RHEB: variants seen among roughly 807,000 people sequenced by gnomAD.
RHEB encodes GTP-binding protein Rheb.
Under a neutral mutation model 28.8 loss-of-function variants are expected in RHEB, and 2 were observed. The ratio of observed to expected loss-of-function variants is 0.07; its 90% CI spans 0.03 to 0.22. The LOEUF (loss-of-function observed/expected upper bound fraction) is 0.22. Among genes scored for constraint, RHEB ranks in the 10% least tolerant of loss-of-function variants. The pLI is 1.00. For synonymous variants in RHEB, 69 were observed against 77.3 expected, an observed-to-expected ratio of 0.89 and a Z score of 0.56; for missense variants, 76 against 219.9, an observed-to-expected ratio of 0.35 and a Z score of 4.14.
intron 1 of RHEB, among the ~76,000 whole-genome samples, chr7:151,516,623 A>C (rs931371898): frequency 2.2e-4 from 5 of 23,216 alleles, no homozygotes; most frequent in Admixed American, 1.1e-3. Flanking sequence ...ACTCTGTCAC[A>C]AAAAAAAAAA....
At chr7:151,516,358 C>T (rs759740306) in intron 1 of RHEB, among the ~76,000 whole-genome samples, 4 of 152,036 alleles carry the variant, frequency 2.6e-5, no homozygotes, top group Non-Finnish European at 4.4e-5. Context: ...GGTGCAGTGA[C>T]TCATGCCTGT....
intron 3 of RHEB, among the ~76,000 whole-genome samples, chr7:151,481,535 G>A (rs1802382002): frequency 6.6e-6 from 1 of 152,236 alleles, no homozygotes; most frequent in Admixed American, 6.5e-5. Flanking sequence ...AGCAGCTCTT[G>A]GAGCAGTAAA....
intron 3 of RHEB, among the ~76,000 whole-genome samples, chr7:151,479,526 CA>C (rs1287537284): frequency 1.3e-5 from 2 of 151,646 alleles, no homozygotes; most frequent in Non-Finnish European, 2.9e-5. Context: ...ACTCAAAATA[CA>C]AAAAAACTAG....
intron 1 of RHEB, chr7:151,501,955 G>A (rs931622848): frequency 1.0e-5 from 7 of 677,536 alleles, no homozygotes; most frequent in South Asian, 2.8e-5. Context: ...GCTTGGAGGC[G>A]GGCTGGGCGC....
At chr7:151,503,354 G>A (rs866284609) in intron 1 of RHEB, 14 of 913,394 alleles carry the variant, frequency 1.5e-5, no homozygotes, top group Middle Eastern at 3.2e-4. Context: ...GACGGGTCTC[G>A]GTTTGTGAAA....
At chr7:151,504,867 CAAA>C (rs554648802) in intron 1 of RHEB, among the ~76,000 whole-genome samples, 2 of 138,646 alleles carry the variant, frequency 1.4e-5, no homozygotes. Context: ...AATGCTACCT[CAAA>C]AAAAAAAAAG....
chr7:151,503,403 A>G, intron 1 of RHEB: 1 of 1,158,798 alleles, frequency 8.6e-7, no homozygotes. Context: ...AGTACCGAGT[A>G]GATTTCCAGG....
intron 2 of RHEB, 118 bp from the exon 3 acceptor site, chr7:151,484,922 C>T (rs1271717623): frequency 1.6e-6 from 1 of 626,708 alleles, no homozygotes; most frequent in Non-Finnish European, 2.8e-6. Flanking sequence ...AGAAAGGCCC[C>T]ATGAAACAAA....
At chr7:151,516,029 C>T (rs879857928) in intron 1 of RHEB, among the ~76,000 whole-genome samples, 7 of 138,196 alleles carry the variant, frequency 5.1e-5, no homozygotes, top group South Asian at 5.4e-4. Flanking sequence ...AGACAGTTTA[C>T]GTAACACTAC....
intron 7 of RHEB, 93 bp from the exon 8 acceptor site, chr7:151,467,304 CCCT>C: frequency 1.1e-6 from 1 of 897,678 alleles, no homozygotes; most frequent in Non-Finnish European, 1.8e-6. Context: ...GCCTGCCCTG[CCCT>C]CCTACTGGTG....
chr7:151,477,130 C>G lies in RHEB; in HGVS notation c.275+203G>C, dbSNP rs144303254. On this transcript the variant is annotated intron_variant, in intron 4 of 7. Coordinates refer to ENST00000262187, the MANE Select transcript of RHEB (RefSeq NM_005614.4). ...CTAGGTAGCTTGAGGTAAGAAAGAG[C>G]CTTTTATCCTATTGGTGTAACTAAC... 7.7e-3 allele frequency among the ~76,000 whole-genome samples: 1,168 copies of G among 152,108 alleles called. 7 individuals carry two copies. The highest frequency in any genetic ancestry group is 0.011 in the Non-Finnish European group (772 of 67,994).
chr7:151,519,207 C>A, intron 1 of RHEB: 2 of 174,148 alleles, frequency 1.1e-5, no homozygotes, highest in South Asian at 3.8e-4. Flanking sequence ...CCGCGCCTCC[C>A]ACGCCCTCCG....
chr7:151,476,746 C>T (rs1304982097), intron 4 of RHEB, among the ~76,000 whole-genome samples: 1 of 152,212 alleles, frequency 6.6e-6, no homozygotes, highest in Non-Finnish European at 1.5e-5. Context: ...ATGCCCAGAG[C>T]TCCGCTGCTG....
intron 1 of RHEB, among the ~76,000 whole-genome samples, chr7:151,503,980 T>C (rs1468935975): frequency 6.6e-6 from 1 of 152,140 alleles, no homozygotes; most frequent in Non-Finnish European, 1.5e-5. Flanking sequence ...TGGAACCATT[T>C]CTCTCTTGGT....
At chr7:151,471,627 T>G in intron 4 of RHEB, 22 bp from the exon 5 acceptor site, 1 of 1,467,360 alleles carries the variant, frequency 6.8e-7, no homozygotes, top group Non-Finnish European at 9.4e-7. Context: ...AAAGTATAAA[T>G]TAGACATCCA....
At chr7:151,480,802 G>A (rs1371021265) in intron 3 of RHEB, among the ~76,000 whole-genome samples, 3 of 151,378 alleles carry the variant, frequency 2.0e-5, no homozygotes, top group East Asian at 1.9e-4. Context: ...CTCCTGCCTC[G>A]GCCTCCCAAG....
At chr7:151,479,899 A>G (rs1802352164) in intron 3 of RHEB, among the ~76,000 whole-genome samples, 1 of 152,326 alleles carries the variant, frequency 6.6e-6, no homozygotes, top group East Asian at 1.9e-4. Flanking sequence ...AAAATGGCCA[A>G]GTACACAGAC....
At chr7:151,487,304 T>G (rs1191238010) in intron 2 of RHEB, among the ~76,000 whole-genome samples, 1 of 152,158 alleles carries the variant, frequency 6.6e-6, no homozygotes, top group Non-Finnish European at 1.5e-5. Flanking sequence ...CCTTGTCATG[T>G]AGAATAAAAT....
intron 1 of RHEB, among the ~76,000 whole-genome samples, chr7:151,498,580 G>A (rs533214872): frequency 5.9e-5 from 9 of 152,150 alleles, no homozygotes; most frequent in Non-Finnish European, 1.3e-4. Flanking sequence ...TCCAGCCTGG[G>A]TGACAGAGTG....
Sources: allele counts gnomAD v4.1 joint callset (sites outside exome capture counted in the v4.1 genomes callset), GRCh38; gene constraint gnomAD v4.1.1; transcripts MANE v1.5; gene names NCBI Gene and HGNC (gene_info 2026-07-23, HGNC 2026-07-21).